Variants in ZNF76 observed in about 807,000 individuals in gnomAD.
ZNF76 encodes the protein zinc finger protein 523.
A neutral mutation model predicts 66.9 loss-of-function variants in ZNF76; 66 were observed. That is an observed-to-expected ratio of 0.99 (90% CI 0.81 to 1.21). ZNF76 has a LOEUF of 1.21. ZNF76 is among the 50% of genes most tolerant of loss of function. ZNF76 has a pLI of 0.00. For missense variants in ZNF76, 729 were observed against 760.3 expected, an observed-to-expected ratio of 0.96 and a Z score of 0.48; for synonymous variants, 275 against 296.1, an observed-to-expected ratio of 0.93 and a Z score of 0.73.
chr6:35,269,002 C>T (rs1036672381), intron 1 of ZNF76, among the ~76,000 whole-genome samples: 1 of 151,764 alleles, frequency 6.6e-6, no homozygotes, highest in African/African-American at 2.4e-5. Flanking sequence ...TGAGGCCAGC[C>T]GGGTGTGGTG....
chr6:35,287,971 A>T lies in ZNF76; in HGVS notation c.432+126A>T. ...AAGGGCAGCCCTGTGCTTGGGCACCATGTGGGATATTCCCTTTGCCCCTCC... is the reference window on the plus strand; with the variant it reads ...AAGGGCAGCCCTGTGCTTGGGCACCTTGTGGGATATTCCCTTTGCCCCTCC... On this transcript the variant is annotated intron_variant, in intron 5 of 13. Coordinates refer to ENST00000373953, the MANE Select transcript of ZNF76 (RefSeq NM_003427.5). This position sits in a 1 kb window ranked among gnomAD's most constrained non-coding sequence, Gnocchi z 4.0. The T allele has an allele frequency of 9.1e-7, 1 of 1,094,038 alleles. No homozygotes were observed. Among genetic ancestry groups the T allele is most frequent in the Admixed American group, 2.0e-5 (1 of 50,460 alleles). The allele number at this position is 1,094,038 out of a possible 1,614,324, so 67.8% of individuals were successfully genotyped here.
chr6:35,265,685 A>G (rs369446782), intron 1 of ZNF76, among the ~76,000 whole-genome samples: 6 of 152,290 alleles, frequency 3.9e-5, no homozygotes, highest in Admixed American at 1.3e-4. Context: ...AGTCAGGAAG[A>G]ACAGCAAACA....
intron 2 of ZNF76, 136 bp from the exon 3 acceptor site, chr6:35,285,992 C>T: frequency 1.3e-6 from 1 of 791,012 alleles, no homozygotes; most frequent in Non-Finnish European, 2.1e-6. Flanking sequence ...AGCAAGGGAA[C>T]AAGGAAGATG....
At chr6:35,283,309 G>C (rs929942500) in intron 2 of ZNF76, among the ~76,000 whole-genome samples, 1 of 152,164 alleles carries the variant, frequency 6.6e-6, no homozygotes, top group Non-Finnish European at 1.5e-5. Context: ...GCTCAGGGTA[G>C]AGCTCTCCTT....
chr6:35,282,152 T>C (rs1788870073), intron 2 of ZNF76, among the ~76,000 whole-genome samples: 2 of 152,036 alleles, frequency 1.3e-5, no homozygotes. Context: ...GACATACATA[T>C]ACCCCTTATA....
Position 35,290,651 on chromosome 6 carries a change from G to A in ZNF76, c.560G>A (p.Arg187Gln), listed in dbSNP as rs772494229. 5.6e-6 allele frequency: 9 copies of A among 1,614,048 alleles called. No homozygotes were observed. Among genetic ancestry groups the A allele is most frequent in the African/African-American group, 2.7e-5 (2 of 74,934 alleles). Reference protein sequence around the residue: ...TTAHHLKVHERAHTGDRPYRC... With the variant: ...TTAHHLKVHEQAHTGDRPYRC... The stretch of plus-strand genomic sequence containing the variant: ...TGCTTGTCCTCACAGGTGCATGAAC[G>A]AGCTCATACAGGTGACCGTCCATAC... The change falls in exon 7 of 14, where the codon CGA (arginine) becomes CAA (glutamine). Residue 187 changes from arginine (R) to glutamine (Q), a missense_variant. Physicochemically the swap from Arg to Gln is conservative, Grantham distance 43 (BLOSUM62 1). Coordinates refer to ENST00000373953, the MANE Select transcript of ZNF76 (RefSeq NM_003427.5).
chr6:35,290,874 A>T, intron 7 of ZNF76, 158 bp downstream of exon 7: 1 of 707,030 alleles, frequency 1.4e-6, no homozygotes. Context: ...AAACCTTGTT[A>T]CGGGAGTGCA....
At chr6:35,276,676 G>A (rs1582092123) in intron 1 of ZNF76, among the ~76,000 whole-genome samples, 1 of 152,150 alleles carries the variant, frequency 6.6e-6, no homozygotes, top group African/African-American at 2.4e-5. Flanking sequence ...AACCATGTGA[G>A]TATTTGACAG....
chr6:35,267,976 C>G (rs908388306), intron 1 of ZNF76, among the ~76,000 whole-genome samples: 2 of 152,144 alleles, frequency 1.3e-5, no homozygotes, highest in African/African-American at 4.8e-5. Context: ...GCTCACAGTT[C>G]TGTGGTAGAT....
At chr6:35,259,549 A>C (rs1020496753), upstream of ZNF76, 5 of 152,066 alleles carry the variant, frequency 3.3e-5, no homozygotes, top group Admixed American at 6.5e-5. Context: ...CTCGGTTCAG[A>C]TCCCGGCCGC....
rs1196139528 is a variant in ZNF76, at chr6:35,291,484, CCA to C, written c.752-73_752-72del. 3.1e-6 allele frequency: 5 copies of C among 1,609,644 alleles called. No homozygotes were observed. The African/African-American group carries it at 5.4e-5, about 17-fold the overall frequency. On this transcript the variant is annotated intron_variant, in intron 8 of 13. Coordinates refer to ENST00000373953, the MANE Select transcript of ZNF76 (RefSeq NM_003427.5). ...TGCCTTTCAGACTTAGACCTGGAGC[CCA>C]GTGCCATCCCCAGCTTGCTCCAGCA... is the stretch of plus-strand genomic sequence containing the variant.
intron 1 of ZNF76, among the ~76,000 whole-genome samples, chr6:35,260,748 G>A (rs1785127628): frequency 1.3e-5 from 2 of 152,104 alleles, no homozygotes; most frequent in South Asian, 2.1e-4. Flanking sequence ...TGATGAGGTT[G>A]GGTTAGATGA....
Position 35,265,616 on chromosome 6 carries a change from C to T in ZNF76, c.-97+5775C>T, listed in dbSNP as rs1268318613. Among the ~76,000 whole-genome samples, 3 of 151,756 alleles carry T rather than the reference C, an allele frequency of 2.0e-5. No homozygotes were observed. The East Asian group carries it at 5.8e-4, about 29-fold the overall frequency. On this transcript the variant is annotated intron_variant, in intron 1 of 13. Coordinates refer to ENST00000373953, the MANE Select transcript of ZNF76 (RefSeq NM_003427.5). ...TCCCACTAAAAAGGTAACATTTGAG[C>T]AAAGACCTGAAGGAAGTTAGGGGGT...
At position 35,276,059 on chromosome 6, in the gene ZNF76, C is replaced by T. The variant is rs118173262; in HGVS notation, c.-96-4997C>T. On this transcript the variant is annotated intron_variant, in intron 1 of 13. Transcript: ENST00000373953. ...TGGAACCTTGGACAAGGTACTATAC[C>T]TCTAAGCCTCAGTTGCCTCATCTGT... Among the ~76,000 whole-genome samples the T allele has an allele frequency of 2.1e-3, 315 of 152,336 alleles. 5 individuals are homozygous for T. In the East Asian group the frequency reaches 0.029, roughly 14 times the overall value.
intron 13 of ZNF76, 63 bp downstream of exon 13, chr6:35,294,632 G>T: frequency 8.7e-7 from 1 of 1,154,828 alleles, no homozygotes; most frequent in South Asian, 1.2e-5. Context: ...GGAATAAAGG[G>T]GAATTAGATG....
rs945150720 is a variant in ZNF76, at chr6:35,295,412, C to T, written c.*164C>T. On this transcript the variant is annotated 3_prime_UTR_variant, in exon 14 of 14. Transcript: ENST00000373953. ...CTGCCTAACTGAAGGGAATGGGGGC[C>T]CTGCTCAAGAAGGGGGCCAGGCAGC... is the stretch of plus-strand genomic sequence containing the variant. The T allele has an allele frequency of 4.3e-6, 3 of 691,554 alleles. No homozygotes were observed. Among genetic ancestry groups the T allele is most frequent in the African/African-American group, 3.5e-5 (2 of 56,838 alleles). 42.8% of individuals were successfully genotyped at this position (691,554 alleles called of 1,614,324 possible). A position where few individuals can be genotyped will look rare whatever the true frequency, so the allele number is the denominator to read the frequency against.
intron 1 of ZNF76, among the ~76,000 whole-genome samples, chr6:35,267,306 C>A (rs1236450761): frequency 6.6e-6 from 1 of 152,052 alleles, no homozygotes; most frequent in Non-Finnish European, 1.5e-5. Flanking sequence ...CCATGCTGCC[C>A]AGGCTGGTCC....
intron 1 of ZNF76, among the ~76,000 whole-genome samples, chr6:35,277,403 A>T (rs1364242993): frequency 6.6e-6 from 1 of 152,226 alleles, no homozygotes; most frequent in Non-Finnish European, 1.5e-5. Context: ...TCTCCTGGAA[A>T]ATGCAAAGGC....
At chr6:35,272,509 G>A (rs556009096) in intron 1 of ZNF76, among the ~76,000 whole-genome samples, 1,984 of 112,372 alleles carry the variant, frequency 0.018, 56 homozygotes, top group African/African-American at 0.056. Flanking sequence ...GTGTGTGTGT[G>A]TGTATGTATA....
Sources: allele counts gnomAD v4.1 joint callset (sites outside exome capture counted in the v4.1 genomes callset), GRCh38; gene constraint gnomAD v4.1.1; non-coding constraint Gnocchi (gnomAD v3.1); transcripts MANE v1.5; gene names NCBI Gene and HGNC (gene_info 2026-07-23, HGNC 2026-07-21).